Variants in PCDHA7 observed in about 807,000 individuals in gnomAD.
PCDHA7 encodes the protein protocadherin alpha-7.
In PCDHA7, 37 loss-of-function variants were observed where a neutral mutation model predicts 57.2. The observed-to-expected ratio is 0.65, with a 90% CI of 0.50 to 0.85. PCDHA7 has a LOEUF of 0.85. Among genes scored for constraint, PCDHA7 ranks in the 40% least tolerant of loss-of-function variants. The pLI, the probability that PCDHA7 is intolerant of heterozygous loss-of-function variation, is 0.00. For synonymous variants in PCDHA7, 553 were observed against 558.8 expected (o/e 0.99, Z 0.15); for missense variants, 1,188 against 1,241.8 (o/e 0.96, Z 0.65).
At chr5:140,975,553 G>T (rs990389718) in intron 1 of PCDHA7, among the ~76,000 whole-genome samples, 2 of 152,226 alleles carry the variant, frequency 1.3e-5, no homozygotes, top group Non-Finnish European at 2.9e-5. Context: ...TATTAGGAAG[G>T]AAAAGGAGAT....
intron 1 of PCDHA7, chr5:140,870,784 G>T (rs374163229): frequency 3.1e-6 from 5 of 1,613,574 alleles, no homozygotes; most frequent in Non-Finnish European, 4.2e-6. Context: ...GAACGACAAC[G>T]CGCCGGCACT....
chr5:140,920,116 C>A (rs376109883), intron 1 of PCDHA7, among the ~76,000 whole-genome samples: 72 of 152,304 alleles, frequency 4.7e-4, no homozygotes, highest in African/African-American at 1.6e-3. Context: ...ACCTTGCCAA[C>A]ATCTTGAGTT....
intron 1 of PCDHA7, chr5:140,857,265 T>G: frequency 1.3e-6 from 2 of 1,598,672 alleles, no homozygotes; most frequent in Non-Finnish European, 1.7e-6. Flanking sequence ...TACTACTCAT[T>G]GGTGCTGGAC....
intron 1 of PCDHA7, chr5:140,854,783 A>C (rs1360368863): frequency 6.7e-6 from 1 of 149,694 alleles, no homozygotes; most frequent in East Asian, 1.9e-4. Flanking sequence ...GATTTCAAGA[A>C]CTTTGAGAGA....
At position 140,870,457 on chromosome 5, in the gene PCDHA7, C is replaced by T. The variant is rs2052038650; in HGVS notation, c.2355+33719C>T. 3.1e-6 allele frequency: 5 copies of T among 1,614,110 alleles called. No individual in the cohort carries two copies. Among genetic ancestry groups the T allele is most frequent in the African/African-American group, 1.3e-5 (1 of 74,948 alleles). ...GGTGGCCGACGTGAACGACAATGCG[C>T]CTGCGTTCGCACAGCCCGAGTACAC... On this transcript the variant is annotated intron_variant, in intron 1 of 3. Coordinates refer to ENST00000525929, the MANE Select transcript of PCDHA7 (RefSeq NM_018910.3).
intron 1 of PCDHA7, chr5:140,848,334 A>T: frequency 2.4e-6 from 2 of 850,772 alleles, no homozygotes; most frequent in Non-Finnish European, 3.7e-6. Context: ...CTCTGAATCC[A>T]GACAAATACA....
At chr5:140,887,539 C>T in intron 1 of PCDHA7, among the ~76,000 whole-genome samples, 1 of 152,082 alleles carries the variant, frequency 6.6e-6, no homozygotes, top group East Asian at 1.9e-4. Flanking sequence ...CCTCTCCCCA[C>T]CCCTCATGGT....
chr5:140,918,107 C>T (rs2078522550), intron 1 of PCDHA7, among the ~76,000 whole-genome samples: 1 of 152,132 alleles, frequency 6.6e-6, no homozygotes. Flanking sequence ...AGATCTTTCA[C>T]ATCCTTGATT....
intron 1 of PCDHA7, chr5:140,843,649 T>C: frequency 6.3e-7 from 1 of 1,595,168 alleles, no homozygotes. Context: ...GCCCCTGCCT[T>C]CCTCCTGATC....
chr5:140,870,927 T>G (rs782446287), intron 1 of PCDHA7: 1 of 1,613,880 alleles, frequency 6.2e-7, no homozygotes, highest in South Asian at 1.1e-5. Context: ...GGCTTTCATA[T>G]GAATTGCAGC....
chr5:140,951,243 A>G (rs1192486913), intron 1 of PCDHA7, among the ~76,000 whole-genome samples: 3 of 152,172 alleles, frequency 2.0e-5, no homozygotes, highest in Non-Finnish European at 4.4e-5. Context: ...ACCTTTAGGA[A>G]TGCATCACAT....
intron 3 of PCDHA7, among the ~76,000 whole-genome samples, chr5:140,998,586 CAG>C (rs1340236276): frequency 1.4e-5 from 2 of 147,292 alleles, no homozygotes; most frequent in African/African-American, 5.1e-5. Context: ...TTTTTTGAGA[CAG>C]AGTTTTGCTC....
At position 140,856,610 on chromosome 5, in the gene PCDHA7, G is replaced by A. The variant is rs782134319; in HGVS notation, c.2355+19872G>A. Reference sequence around the variant, plus strand: ...TGATATTATAAACAAAAAAGACAAAGACAAATTCCCAGTGCTTGTTCTGCG... The same window carrying A: ...TGATATTATAAACAAAAAAGACAAAAACAAATTCCCAGTGCTTGTTCTGCG... On this transcript the variant is annotated intron_variant, in intron 1 of 3. Transcript: ENST00000525929. 5 of 1,597,928 alleles carry A rather than the reference G, an allele frequency of 3.1e-6. No homozygotes were observed. The Admixed American group carries it at 5.1e-5, about 16-fold the overall frequency.
intron 1 of PCDHA7, among the ~76,000 whole-genome samples, chr5:140,941,846 C>T (rs2093181493): frequency 6.6e-6 from 1 of 152,178 alleles, no homozygotes; most frequent in Non-Finnish European, 1.5e-5. Flanking sequence ...CTGCCATTAC[C>T]TGATATTCCC....
chr5:140,857,187 C>T (rs202051639), intron 1 of PCDHA7: 3 of 1,598,516 alleles, frequency 1.9e-6, no homozygotes, highest in Admixed American at 1.7e-5. Context: ...GATTCAGGAG[C>T]CAACGGACAG....
intron 1 of PCDHA7, chr5:140,861,406 T>C (rs1301419453): frequency 2.3e-5 from 11 of 470,150 alleles, no homozygotes; most frequent in African/African-American, 2.2e-4. Flanking sequence ...CTTGTGGAGC[T>C]GATACCGCGC....
At chr5:140,981,643 G>A (rs998815671) in intron 2 of PCDHA7, among the ~76,000 whole-genome samples, 3 of 151,992 alleles carry the variant, frequency 2.0e-5, no homozygotes, top group African/African-American at 7.3e-5. Context: ...TTTTCTCTTA[G>A]GATCCCACTT....
At position 140,917,332 on chromosome 5, in the gene PCDHA7, G is replaced by T. The variant is rs182473611; in HGVS notation, c.2356-61617G>T. Among the ~76,000 whole-genome samples the T allele has an allele frequency of 8.2e-3, 1,196 of 145,640 alleles. 67 individuals carry two copies. The highest frequency in any genetic ancestry group is 0.021 in the African/African-American group (776 of 37,840). On this transcript the variant is annotated intron_variant, in intron 1 of 3. Transcript: ENST00000525929. ...ATTTGGTGTTCATGTGGCGGGGGAG[G>T]GGGGGGATGGTGTAGGCTTCTGTTC... is the stretch of plus-strand genomic sequence containing the variant.
At chr5:141,003,404 C>T (rs1220823523) in intron 3 of PCDHA7, among the ~76,000 whole-genome samples, 4 of 152,138 alleles carry the variant, frequency 2.6e-5, no homozygotes, top group African/African-American at 4.8e-5. Context: ...CTCCGCCTCC[C>T]GGGTTCGAGT....
Sources: gnomAD v4.1 joint callset for allele counts (sites outside exome capture counted in the v4.1 genomes callset) on GRCh38, gnomAD v4.1.1 for gene constraint, MANE v1.5 for transcripts, NCBI Gene and HGNC (gene_info 2026-07-23, HGNC 2026-07-21) for gene names.